The following GRM7 variants were observed in gnomAD, a reference collection of about 807,000 sequenced individuals.
GRM7 encodes metabotropic glutamate receptor 7.
A neutral mutation model predicts 84.5 loss-of-function variants in GRM7; 35 were observed. The ratio of observed to expected loss-of-function variants is 0.41; its 90% CI spans 0.32 to 0.55. The LOEUF is 0.55. Among genes scored for constraint, GRM7 ranks in the 20% least tolerant of loss-of-function variants. The pLI is 0.19. For missense variants in GRM7, 1,003 were observed against 1,194.6 expected, an observed-to-expected ratio of 0.84 and a Z score of 2.36; for synonymous variants, 487 against 455.1, an observed-to-expected ratio of 1.07 and a Z score of -0.89.
intron 4 of GRM7, among the ~76,000 whole-genome samples, chr3:7,355,024 C>T (rs1280877882): frequency 6.6e-6 from 1 of 152,072 alleles, no homozygotes; most frequent in Admixed American, 6.6e-5. Flanking sequence ...GCTGACTGGA[C>T]CTAGTGAGTA....
chr3:7,104,536 T>C (rs1170600452), intron 1 of GRM7, among the ~76,000 whole-genome samples: 1 of 151,852 alleles, frequency 6.6e-6, no homozygotes, highest in Non-Finnish European at 1.5e-5. Context: ...GAAATAACTC[T>C]CAAATCTTGG....
In GRM7 at chr3:7,489,327, T is replaced by A. The variant is rs368174128; in HGVS notation, c.1515+27605T>A. ...CCCCCTCCACTGATATCACCATATG[T>A]TGAAACCAGTTTACATCATCTAATT... On this transcript the variant is annotated intron_variant, in intron 7 of 9. Transcript: ENST00000357716. Among the ~76,000 whole-genome samples, 16 of 152,334 alleles carry A rather than the reference T, an allele frequency of 1.1e-4. No homozygotes were observed. The South Asian group carries it at 1.9e-3, about 18-fold the overall frequency.
rs577040160 is a variant in GRM7, at chr3:6,862,779, G to A, written c.519+872G>A. On this transcript the variant is annotated intron_variant, in intron 1 of 9. Transcript: ENST00000357716. This position sits in a 1 kb window ranked among gnomAD's most constrained non-coding sequence, Gnocchi z 5.2. ...GACGCAGACCCCAAGCCAAATCCTC[G>A]GCTTGGAGGACGATTCCCGGAGCGA... The A allele has an allele frequency of 3.3e-6, 1 of 307,132 alleles. No individual in the cohort carries two copies. Among genetic ancestry groups the A allele is most frequent in the African/African-American group, 2.3e-5 (1 of 43,350 alleles). The allele number at this position is 307,132 out of a possible 1,614,324, so 19.0% of individuals were successfully genotyped here.
intron 1 of GRM7, among the ~76,000 whole-genome samples, chr3:7,131,353 A>G (rs2125053334): frequency 6.6e-6 from 1 of 152,288 alleles, no homozygotes; most frequent in Admixed American, 6.5e-5. Context: ...CGGTATCCTC[A>G]TGGAAGGGCC....
chr3:7,647,236 T>G (rs964285768), intron 8 of GRM7, among the ~76,000 whole-genome samples: 1 of 152,242 alleles, frequency 6.6e-6, no homozygotes, highest in Admixed American at 6.5e-5. Flanking sequence ...TAACTCTGGC[T>G]TCCTCTTTGG....
intron 1 of GRM7, among the ~76,000 whole-genome samples, chr3:6,998,217 C>A (rs2124871245): frequency 6.7e-6 from 1 of 149,112 alleles, no homozygotes; most frequent in African/African-American, 2.5e-5. Context: ...GAGAAATTGA[C>A]CAAAACAAAG....
At chr3:6,974,138 A>T (rs1693887743) in intron 1 of GRM7, among the ~76,000 whole-genome samples, 1 of 152,212 alleles carries the variant, frequency 6.6e-6, no homozygotes, top group South Asian at 2.1e-4. Flanking sequence ...TGAAAGTAAA[A>T]GAGCAGCAAA....
At chr3:7,018,006 C>T (rs964264001) in intron 1 of GRM7, among the ~76,000 whole-genome samples, 3 of 152,114 alleles carry the variant, frequency 2.0e-5, no homozygotes, top group Admixed American at 2.0e-4. Context: ...GTATGTTATT[C>T]CATAAAGTTG....
chr3:7,651,853 G>T (rs887047687), intron 8 of GRM7, among the ~76,000 whole-genome samples: 8 of 152,202 alleles, frequency 5.3e-5, no homozygotes, highest in Non-Finnish European at 1.2e-4. Flanking sequence ...AAGATTGGAG[G>T]TGGGGAGTGG....
intron 4 of GRM7, among the ~76,000 whole-genome samples, chr3:7,396,520 C>CAGA: frequency 6.6e-6 from 1 of 152,034 alleles, no homozygotes; most frequent in Non-Finnish European, 1.5e-5. Context: ...CTGATTTGCC[C>CAGA]ATGTTTTATA....
chr3:7,399,795 C>G (rs554796364), intron 4 of GRM7, among the ~76,000 whole-genome samples: 1 of 152,320 alleles, frequency 6.6e-6, no homozygotes, highest in Admixed American at 6.5e-5. Context: ...TGCATACCAG[C>G]TCCCCGTCCC....
At chr3:7,010,941 G>C (rs758397898) in intron 1 of GRM7, among the ~76,000 whole-genome samples, 20 of 152,316 alleles carry the variant, frequency 1.3e-4, no homozygotes, top group Non-Finnish European at 2.6e-4. Flanking sequence ...AGAGTCGGGG[G>C]AAGAGTAGGG....
Position 7,662,517 on chromosome 3 carries a change from A to T in GRM7, c.2452-17532A>T, listed in dbSNP as rs575217648. ...GGATTGAGGAAAAATCATATGAGAC[A>T]TTTTTGGGACAAATGGAGAAATTTG... On this transcript the variant is annotated intron_variant, in intron 8 of 9. Coordinates refer to ENST00000357716, the MANE Select transcript of GRM7 (RefSeq NM_000844.4). Among the ~76,000 whole-genome samples, 9 of 152,364 alleles carry T rather than the reference A, an allele frequency of 5.9e-5. No homozygotes were observed. The South Asian group carries it at 1.9e-3, about 32-fold the overall frequency.
chr3:7,398,587 C>T (rs1269171050), intron 4 of GRM7, among the ~76,000 whole-genome samples: 6 of 151,836 alleles, frequency 4.0e-5, no homozygotes, highest in Admixed American at 3.9e-4. Context: ...AAAGGTGACT[C>T]TTAAATCTTG....
At chr3:7,374,605 A>G (rs1307115577) in intron 4 of GRM7, among the ~76,000 whole-genome samples, 1 of 150,680 alleles carries the variant, frequency 6.6e-6, no homozygotes, top group Non-Finnish European at 1.5e-5. Context: ...CAGTCTCCCA[A>G]GTAGCTAGGA....
In GRM7 at chr3:6,958,308, T is replaced by G. The variant is rs1301609441; in HGVS notation, c.519+96401T>G. Reference sequence around the variant, plus strand: ...TGGTTTGAGATACATCTGTGCTATTTTGTGTTATCAATAGTTTACTCTTCT... The same window carrying G: ...TGGTTTGAGATACATCTGTGCTATTGTGTGTTATCAATAGTTTACTCTTCT... On this transcript the variant is annotated intron_variant, in intron 1 of 9. Transcript: ENST00000357716. Among the ~76,000 whole-genome samples, 4 of 152,114 alleles carry G rather than the reference T, an allele frequency of 2.6e-5. No individual in the cohort carries two copies. The East Asian group carries it at 7.7e-4, about 29-fold the overall frequency.
chr3:6,976,248 G>A (rs1313258934), intron 1 of GRM7, among the ~76,000 whole-genome samples: 3 of 152,150 alleles, frequency 2.0e-5, no homozygotes, highest in East Asian at 3.8e-4. Context: ...TGTTTATTGA[G>A]CATTTGAAAA....
At chr3:7,231,683 T>C (rs73809020) in intron 2 of GRM7, among the ~76,000 whole-genome samples, 5,568 of 152,252 alleles carry the variant, frequency 0.037, 312 homozygotes, top group African/African-American at 0.13. Flanking sequence ...TCTCACAACA[T>C]CTCTATGAGA....
intron 7 of GRM7, among the ~76,000 whole-genome samples, chr3:7,464,639 G>A (rs920372206): frequency 4.0e-5 from 6 of 151,758 alleles, no homozygotes; most frequent in African/African-American, 1.5e-4. Context: ...GACCATCCTG[G>A]CTAACACTGT....
Sources: gnomAD v4.1 joint callset for allele counts (sites outside exome capture counted in the v4.1 genomes callset) on GRCh38, gnomAD v4.1.1 for gene constraint, Gnocchi (gnomAD v3.1) non-coding constraint, MANE v1.5 for transcripts, NCBI Gene and HGNC (gene_info 2026-07-23, HGNC 2026-07-21) for gene names.